The following STK39 variants were observed in gnomAD, a reference collection of about 807,000 sequenced individuals.
STK39 encodes STE20/SPS1-related proline-alanine-rich protein kinase.
A neutral mutation model predicts 77.8 loss-of-function variants in STK39; 20 were observed. The ratio of observed to expected loss-of-function variants is 0.26; its 90% confidence interval spans 0.18 to 0.37. The LOEUF is 0.37. Among genes scored for constraint, STK39 ranks in the 10% least tolerant of loss-of-function variants. The pLI, the probability that STK39 is intolerant of heterozygous loss-of-function variation, is 1.00. For synonymous variants in STK39, 246 were observed against 234.1 expected, an observed-to-expected ratio of 1.05 and a Z score of -0.47; for missense variants, 479 against 656.5, an observed-to-expected ratio of 0.73 and a Z score of 2.95.
At chr2:168,077,429 GTTTGT>G (rs1377782298) in intron 10 of STK39, among the ~76,000 whole-genome samples, 1 of 151,984 alleles carries the variant, frequency 6.6e-6, no homozygotes, top group African/African-American at 2.4e-5. Context: ...CTCTCTCTCT[GTTTGT>G]TTTATTTGCT....
chr2:168,025,514 T>C (rs1292124703), intron 14 of STK39, among the ~76,000 whole-genome samples: 2 of 152,154 alleles, frequency 1.3e-5, no homozygotes, highest in Non-Finnish European at 1.5e-5. Flanking sequence ...TGAGAAGAAA[T>C]GACTGAATAA....
intron 10 of STK39, among the ~76,000 whole-genome samples, chr2:168,100,649 G>T (rs1350217074): frequency 1.3e-5 from 2 of 152,164 alleles, no homozygotes; most frequent in Non-Finnish European, 1.5e-5. Context: ...CAGAATGGGA[G>T]AAAATTTTTG....
At chr2:168,083,715 T>C (rs1686298415) in intron 10 of STK39, among the ~76,000 whole-genome samples, 1 of 151,846 alleles carries the variant, frequency 6.6e-6, no homozygotes. Flanking sequence ...CACAAGATAC[T>C]GGGATCTAGG....
chr2:168,185,247 C>T lies in STK39; in HGVS notation c.209-3157G>A, dbSNP rs554896180. Among the ~76,000 whole-genome samples, 17 of 152,302 alleles carry T rather than the reference C, an allele frequency of 1.1e-4. 1 individual carries two copies. The South Asian group carries it at 3.3e-3, about 30-fold the overall frequency. On this transcript the variant is annotated intron_variant, in intron 1 of 17. Coordinates refer to ENST00000355999, the MANE Select transcript of STK39 (RefSeq NM_013233.3). ...GAATTTCTCATTTTATTCCTGACTC[C>T]TATTTCAAGTGCAATAAATCATTCA... is the stretch of plus-strand genomic sequence containing the variant.
intron 16 of STK39, among the ~76,000 whole-genome samples, chr2:168,008,728 G>C (rs1316717421): frequency 6.6e-6 from 1 of 152,076 alleles, no homozygotes; most frequent in Non-Finnish European, 1.5e-5. Flanking sequence ...AGGTTAGAGA[G>C]ATGAGGAGGA....
chr2:168,117,852 T>C (rs1687298505), intron 10 of STK39, among the ~76,000 whole-genome samples: 1 of 152,158 alleles, frequency 6.6e-6, no homozygotes, highest in South Asian at 2.1e-4. Context: ...ATCTTATAAG[T>C]GGCGGGAACT....
At chr2:168,067,455 T>G (rs1285024656) in intron 12 of STK39, among the ~76,000 whole-genome samples, 5 of 152,224 alleles carry the variant, frequency 3.3e-5, no homozygotes, top group Non-Finnish European at 7.4e-5. Flanking sequence ...CACTTCACCT[T>G]CCACCATGAG....
intron 1 of STK39, among the ~76,000 whole-genome samples, chr2:168,219,869 C>CTTTT (rs200725506): frequency 2.3e-5 from 2 of 86,612 alleles, no homozygotes; most frequent in Non-Finnish European, 3.4e-5. Flanking sequence ...ACTTTTCTTG[C>CTTTT]TTTTTTTTTT....
chr2:167,964,572 TAC>T (rs1692094012), intron 17 of STK39, 88 bp downstream of exon 17: 4 of 1,209,450 alleles, frequency 3.3e-6, no homozygotes, highest in Middle Eastern at 2.3e-4. Context: ...ACAGCAAAAT[TAC>T]AGAGTAGGTT....
chr2:168,175,250 G>A (rs1161519654), intron 2 of STK39, among the ~76,000 whole-genome samples: 2 of 152,106 alleles, frequency 1.3e-5, no homozygotes, highest in East Asian at 3.9e-4. Flanking sequence ...TAGAAGAAAG[G>A]CAAAAGTGAG....
chr2:168,226,736 T>A lies in STK39; in HGVS notation c.208+20492A>T, dbSNP rs139193510. Among the ~76,000 whole-genome samples, 4 of 151,680 alleles carry A rather than the reference T, an allele frequency of 2.6e-5. No homozygotes were observed. In the East Asian group the frequency reaches 7.8e-4, roughly 30 times the overall value. ...CTATAACTCCCTCTTACCTTTAAGG[T>A]CAGTAATGGGAGCAAATAAGCTAGC... is the stretch of plus-strand genomic sequence containing the variant. On this transcript the variant is annotated intron_variant, in intron 1 of 17. Transcript: ENST00000355999.
intron 8 of STK39, among the ~76,000 whole-genome samples, chr2:168,134,228 C>T (rs905687036): frequency 6.6e-6 from 1 of 152,160 alleles, no homozygotes; most frequent in Non-Finnish European, 1.5e-5. Flanking sequence ...AAAAACAATG[C>T]AGCAGTCTGC....
chr2:168,195,634 TTA>T (rs1224679812), intron 1 of STK39, among the ~76,000 whole-genome samples: 1 of 152,228 alleles, frequency 6.6e-6, no homozygotes, highest in African/African-American at 2.4e-5. Context: ...GATGTGTCAA[TTA>T]GCTGCACTTT....
chr2:168,192,369 G>A (rs780787973), intron 1 of STK39, among the ~76,000 whole-genome samples: 9 of 152,144 alleles, frequency 5.9e-5, no homozygotes, highest in Non-Finnish European at 1.0e-4. Flanking sequence ...GCTCCAAAAC[G>A]AGGCTGGGGC....
chr2:168,072,849 ATGTCAAGGC>A lies in STK39; in HGVS notation c.1242+2124_1242+2132del, dbSNP rs1685975847. On this transcript the variant is annotated intron_variant, in intron 12 of 17. Transcript: ENST00000355999. ...TCTTAATACAGCTCAAGATAATCAA[ATGTCAAGGC>A]TGTCAAAGGAATGGGTGTCAAAAAA... 3.3e-5 allele frequency among the ~76,000 whole-genome samples: 5 copies of A among 152,358 alleles called. No individual in the cohort carries two copies. The South Asian group carries it at 1.0e-3, about 32-fold the overall frequency.
intron 2 of STK39, among the ~76,000 whole-genome samples, chr2:168,179,719 A>G (rs1689037888): frequency 6.6e-6 from 1 of 152,188 alleles, no homozygotes; most frequent in African/African-American, 2.4e-5. Flanking sequence ...AGCTCTACCT[A>G]AGTTACAAGT....
At position 167,966,503 on chromosome 2, in the gene STK39, G is replaced by A. The variant is rs373069282; in HGVS notation, c.1499-1777C>T. ...TCCTTTCATTAGTTTCTCAGTTAAT[G>A]TGGATGATTTACTGCCTTGTTCTGG... is the stretch of plus-strand genomic sequence containing the variant. On this transcript the variant is annotated intron_variant, in intron 16 of 17. Coordinates refer to ENST00000355999, the MANE Select transcript of STK39 (RefSeq NM_013233.3). Among the ~76,000 whole-genome samples the A allele has an allele frequency of 2.0e-5, 3 of 152,158 alleles. No homozygotes were observed. In the East Asian group the frequency reaches 5.8e-4, roughly 29 times the overall value.
At chr2:167,983,477 A>AAGGAAGGAAGGAAGGAAGGAAGGAAGG (rs1683481239) in intron 16 of STK39, among the ~76,000 whole-genome samples, 4 of 130,790 alleles carry the variant, frequency 3.1e-5, no homozygotes, top group African/African-American at 1.1e-4. Context: ...AAAAGAAATG[A>AAGGAAGGAAGGAAGGAAGGAAGGAAGG]AAGGAAGGAA....
intron 15 of STK39, among the ~76,000 whole-genome samples, chr2:168,013,697 G>C (rs1419161642): frequency 6.6e-6 from 1 of 152,122 alleles, no homozygotes; most frequent in Non-Finnish European, 1.5e-5. Context: ...GCATCTAAAC[G>C]AAATTGCGGT....
Sources: allele counts gnomAD v4.1 joint callset (sites outside exome capture counted in the v4.1 genomes callset), GRCh38; gene constraint gnomAD v4.1.1; transcripts MANE v1.5; gene names NCBI Gene and HGNC (gene_info 2026-07-23, HGNC 2026-07-21).